IDO2: variants seen among roughly 807,000 people sequenced by gnomAD.
IDO2 encodes indoleamine 2,3-dioxygenase 2, also known as indoleamine 2,3-dioxygenase-like 1 protein.
In IDO2, 46 loss-of-function variants were observed where a neutral mutation model predicts 45.1. The observed-to-expected ratio is 1.02, with a 90% CI of 0.80 to 1.30. The LOEUF (loss-of-function observed/expected upper bound fraction) is 1.30, where lower values mean the gene tolerates loss of function less well. IDO2 is among the 50% of genes most tolerant of loss of function. The probability of loss-of-function intolerance (pLI) is 0.00; values close to 1 mark genes in which losing one functional copy is unlikely to be tolerated. For missense variants in IDO2, 544 were observed against 491.8 expected (o/e 1.11, Z -1.00); for synonymous variants, 218 against 184.9 (o/e 1.18, Z -1.45).
intron 2 of IDO2, among the ~76,000 whole-genome samples, chr8:39,962,130 TG>T (rs890725749): frequency 2.0e-5 from 3 of 152,140 alleles, no homozygotes; most frequent in African/African-American, 7.2e-5. Flanking sequence ...GGGTGAGAGT[TG>T]GGGGTCACTG....
chr8:39,971,064 C>T (rs1269894124), intron 3 of IDO2, among the ~76,000 whole-genome samples: 1 of 152,092 alleles, frequency 6.6e-6, no homozygotes, highest in African/African-American at 2.4e-5. Context: ...GCGCCCGGCC[C>T]AGGACTTTCA....
At chr8:39,934,885 A>G (rs2129592747) in exon 1 of IDO2, 1 of 495,166 alleles carries the variant, frequency 2.0e-6, no homozygotes, top group East Asian at 4.0e-5. Context: ...AAAGTTGGAA[A>G]TCTGCCTGGT....
chr8:39,949,767 C>T (rs569845787), intron 2 of IDO2, among the ~76,000 whole-genome samples: 1 of 152,230 alleles, frequency 6.6e-6, no homozygotes, highest in East Asian at 1.9e-4. Flanking sequence ...ACTATTGCGA[C>T]ATTTTGATGT....
intron 6 of IDO2, 34 bp downstream of exon 6, chr8:39,985,556 A>G: frequency 6.5e-7 from 1 of 1,535,266 alleles, no homozygotes; most frequent in Non-Finnish European, 8.8e-7. Flanking sequence ...GCACTTTAGA[A>G]TCCAGGCCAA....
At chr8:39,947,406 T>A (rs1159921770) in intron 1 of IDO2, among the ~76,000 whole-genome samples, 1 of 152,180 alleles carries the variant, frequency 6.6e-6, no homozygotes, top group Non-Finnish European at 1.5e-5. Context: ...TCCCACAATT[T>A]AGCCTAAATA....
At chr8:39,950,668 C>T (rs901917992) in intron 2 of IDO2, among the ~76,000 whole-genome samples, 5 of 152,218 alleles carry the variant, frequency 3.3e-5, no homozygotes, top group African/African-American at 9.7e-5. Context: ...TACCCTACTG[C>T]TGTGTCCAGC....
intron 8 of IDO2, among the ~76,000 whole-genome samples, chr8:39,990,680 T>C (rs1808486155): frequency 6.6e-6 from 1 of 152,238 alleles, no homozygotes; most frequent in African/African-American, 2.4e-5. Context: ...TTGTCTTCCT[T>C]TATCTTTCTG....
At chr8:39,939,535 A>T (rs1807610341) in intron 1 of IDO2, among the ~76,000 whole-genome samples, 1 of 116,566 alleles carries the variant, frequency 8.6e-6, no homozygotes, top group Non-Finnish European at 1.7e-5. Flanking sequence ...CGACAGGGCG[A>T]GACTCTGTCT....
intron 5 of IDO2, 155 bp from the exon 6 acceptor site, chr8:39,985,353 T>C (rs562866332): frequency 1.5e-6 from 1 of 645,788 alleles, no homozygotes; most frequent in Non-Finnish European, 2.7e-6. Context: ...TCAAAGTAAG[T>C]GTGGATGTGT....
chr8:39,941,500 A>G (rs1563422708), intron 1 of IDO2, among the ~76,000 whole-genome samples: 5 of 152,164 alleles, frequency 3.3e-5, no homozygotes, highest in Admixed American at 1.3e-4. Flanking sequence ...ACTTTATTTC[A>G]TTAACAATGA....
chr8:39,989,407 T>C (rs1380073551), intron 7 of IDO2, among the ~76,000 whole-genome samples: 1 of 152,146 alleles, frequency 6.6e-6, no homozygotes, highest in Admixed American at 6.5e-5. Flanking sequence ...CAGTTGGAGA[T>C]GCAGTAGAAC....
chr8:39,952,973 G>A lies in IDO2; in HGVS notation c.99+3709G>A, dbSNP rs1807833495. Among the ~76,000 whole-genome samples the A allele has an allele frequency of 5.5e-5, 8 of 146,432 alleles. No homozygotes were observed. The South Asian group carries it at 1.9e-3, about 34-fold the overall frequency. ...AGTACAGATGGGGTTTCTCCATGTT[G>A]GTCAGGCTGGTCTCAAACTCCCAAC... On this transcript the variant is annotated intron_variant, in intron 2 of 10. Coordinates refer to ENST00000502986, the Ensembl canonical transcript of IDO2.
chr8:39,953,071 T>G (rs2129593472), intron 2 of IDO2, among the ~76,000 whole-genome samples: 1 of 152,206 alleles, frequency 6.6e-6, no homozygotes, highest in Non-Finnish European at 1.5e-5. Flanking sequence ...CCTGGCCTAA[T>G]TTTTGTATTT....
At chr8:39,935,309 T>C (rs539854855) in intron 1 of IDO2, 91 bp downstream of exon 1, 1 of 1,028,724 alleles carries the variant, frequency 9.7e-7, no homozygotes, top group Admixed American at 2.0e-5. Context: ...AATTGGAAAA[T>C]CACTGTTCTC....
At chr8:39,983,640 G>T (rs1317802558) in intron 5 of IDO2, among the ~76,000 whole-genome samples, 2 of 152,104 alleles carry the variant, frequency 1.3e-5, no homozygotes. Context: ...GAGGCAGGTG[G>T]ATCATCTGAG....
chr8:39,978,237 A>C (rs1490077829), intron 3 of IDO2, among the ~76,000 whole-genome samples: 1 of 152,108 alleles, frequency 6.6e-6, no homozygotes, highest in Admixed American at 6.5e-5. Context: ...AAAGGACAAC[A>C]AAAACACCCC....
chr8:39,981,093 A>T (rs1314483175), intron 4 of IDO2, among the ~76,000 whole-genome samples: 4 of 123,598 alleles, frequency 3.2e-5, no homozygotes, highest in Non-Finnish European at 6.6e-5. Context: ...ACGGAGTCTC[A>T]CTCTGTCACC....
At chr8:39,980,043 T>C (rs550809171) in intron 4 of IDO2, among the ~76,000 whole-genome samples, 89 of 152,256 alleles carry the variant, frequency 5.8e-4, no homozygotes, top group Admixed American at 1.5e-3. Flanking sequence ...AGGCTGATCT[T>C]AAACTCCTGG....
At chr8:39,945,353 A>C (rs1807714187) in intron 1 of IDO2, among the ~76,000 whole-genome samples, 1 of 152,254 alleles carries the variant, frequency 6.6e-6, no homozygotes, top group Non-Finnish European at 1.5e-5. Context: ...CATGGGACCT[A>C]CATTCAAAAA....
Sources: gnomAD v4.1 joint callset for allele counts (sites outside exome capture counted in the v4.1 genomes callset) on GRCh38, gnomAD v4.1.1 for gene constraint, MANE v1.5 for transcripts, NCBI Gene and HGNC (gene_info 2026-07-23, HGNC 2026-07-21) for gene names.